Variants in RIMS1 observed in about 807,000 individuals in gnomAD.
The protein encoded by RIMS1 is regulating synaptic membrane exocytosis protein 1.
RIMS1 carries 83 observed loss-of-function variants against 214.1 expected under a neutral mutation model. The observed-to-expected ratio is 0.39, with a 90% confidence interval of 0.32 to 0.47. The LOEUF is 0.47. Among genes scored for constraint, RIMS1 ranks in the 20% least tolerant of loss-of-function variants. The pLI is 0.99. For missense variants in RIMS1, 2,050 were observed against 2,161.8 expected (o/e 0.95, Z 1.03); for synonymous variants, 793 against 786.8 (o/e 1.01, Z -0.13).
chr6:71,957,838 A>G lies in RIMS1; in HGVS notation c.165-11145A>G, dbSNP rs1038346479. Among the ~76,000 whole-genome samples the G allele has an allele frequency of 5.6e-5, 8 of 143,100 alleles. 1 individual carries two copies. Among genetic ancestry groups the G allele is most frequent in the African/African-American group, 2.4e-4 (8 of 33,104 alleles). 93.9% of individuals were successfully genotyped at this position (143,100 alleles called of 152,430 possible). A position where few individuals can be genotyped will look rare whatever the true frequency, so the allele number is the denominator to read the frequency against. ...CAGCCTTTATTATAGTATTAATTCA[A>G]GATTCCTATGCTTGATCTTGTTGTT... On this transcript the variant is annotated intron_variant, in intron 1 of 33. Coordinates refer to ENST00000521978, the MANE Select transcript of RIMS1 (RefSeq NM_014989.7).
At chr6:72,324,780 A>G (rs936880316) in intron 28 of RIMS1, among the ~76,000 whole-genome samples, 2 of 151,862 alleles carry the variant, frequency 1.3e-5, no homozygotes, top group Non-Finnish European at 2.9e-5. Flanking sequence ...ACTGGAACAC[A>G]TCTATGCCCA....
At chr6:72,271,307 ATATATATATG>A (rs1563346744) in intron 22 of RIMS1, among the ~76,000 whole-genome samples, 1 of 131,284 alleles carries the variant, frequency 7.6e-6, no homozygotes, top group Admixed American at 7.8e-5. Flanking sequence ...ATATATATAT[ATATATATATG>A]TTAATTAAAA....
At chr6:72,144,931 C>CTGGA (rs2042544562) in intron 4 of RIMS1, among the ~76,000 whole-genome samples, 1 of 150,608 alleles carries the variant, frequency 6.6e-6, no homozygotes, top group African/African-American at 2.4e-5. Flanking sequence ...GTCACACAAG[C>CTGGA]TGGAGTGCAG....
intron 29 of RIMS1, among the ~76,000 whole-genome samples, chr6:72,341,483 T>C (rs1454713936): frequency 1.3e-5 from 2 of 151,838 alleles, no homozygotes; most frequent in African/African-American, 4.8e-5. Flanking sequence ...TTTTAAATTT[T>C]ATGAAGAAGA....
chr6:72,121,698 G>A (rs1014821090), intron 4 of RIMS1, among the ~76,000 whole-genome samples: 1 of 151,884 alleles, frequency 6.6e-6, no homozygotes, highest in Non-Finnish European at 1.5e-5. Flanking sequence ...TGTTGAATAG[G>A]ATTGGTGAGA....
intron 26 of RIMS1, 144 bp downstream of exon 26, chr6:72,292,190 C>A (rs2093490388): frequency 3.4e-6 from 2 of 581,820 alleles, no homozygotes; most frequent in Non-Finnish European, 3.0e-6. Context: ...AGTTTTATCC[C>A]CAACACCTAG....
At chr6:72,037,084 C>A (rs1279170180) in intron 2 of RIMS1, among the ~76,000 whole-genome samples, 1 of 151,938 alleles carries the variant, frequency 6.6e-6, no homozygotes, top group Non-Finnish European at 1.5e-5. Context: ...ATTATAAAAT[C>A]CTTAGTGAAC....
At chr6:72,116,083 G>A (rs571799597) in intron 4 of RIMS1, among the ~76,000 whole-genome samples, 47 of 151,986 alleles carry the variant, frequency 3.1e-4, no homozygotes, top group African/African-American at 1.0e-3. Context: ...GACTACTGAG[G>A]CAGTCTGGAC....
chr6:72,030,599 C>T (rs1267390442), intron 2 of RIMS1, among the ~76,000 whole-genome samples: 4 of 152,022 alleles, frequency 2.6e-5, no homozygotes, highest in African/African-American at 9.7e-5. Flanking sequence ...AGATACACTA[C>T]ACAATTACAT....
At chr6:72,385,393 A>T (rs1484521710) in intron 29 of RIMS1, among the ~76,000 whole-genome samples, 1 of 152,238 alleles carries the variant, frequency 6.6e-6, no homozygotes, top group African/African-American at 2.4e-5. Context: ...TATAGAATAT[A>T]TGTGCTTTTT....
intron 2 of RIMS1, among the ~76,000 whole-genome samples, chr6:72,001,317 G>A (rs548498966): frequency 1.3e-5 from 2 of 151,986 alleles, no homozygotes; most frequent in Admixed American, 1.3e-4. Context: ...GTCCTGAAAC[G>A]AATTTTCCAT....
At chr6:72,040,212 G>C (rs1013216040) in intron 2 of RIMS1, among the ~76,000 whole-genome samples, 10 of 152,012 alleles carry the variant, frequency 6.6e-5, no homozygotes, top group Admixed American at 3.3e-4. Context: ...TCTATACTTT[G>C]TATTCTTATG....
At chr6:71,940,197 A>G (rs980292038) in intron 1 of RIMS1, among the ~76,000 whole-genome samples, 2 of 152,184 alleles carry the variant, frequency 1.3e-5, no homozygotes, top group South Asian at 4.1e-4. Flanking sequence ...CTTTCTTCCA[A>G]TCACATCCAT....
intron 16 of RIMS1, among the ~76,000 whole-genome samples, chr6:72,256,914 CAT>C (rs1244201671): frequency 6.6e-6 from 1 of 151,682 alleles, no homozygotes; most frequent in Non-Finnish European, 1.5e-5. Flanking sequence ...GAATATTAAA[CAT>C]GTTTTTATAG....
intron 22 of RIMS1, among the ~76,000 whole-genome samples, chr6:72,269,639 CT>C (rs1377586668): frequency 6.6e-6 from 1 of 152,140 alleles, no homozygotes; most frequent in Non-Finnish European, 1.5e-5. Context: ...TCTGCAACTA[CT>C]TCTCTTCCTG....
rs552779582 is a variant in RIMS1 at position 72,233,015 on chromosome 6, C to T, written c.1679-758C>T. Among the ~76,000 whole-genome samples the T allele has an allele frequency of 3.3e-5, 5 of 151,736 alleles. No homozygotes were observed. The East Asian group carries it at 9.7e-4, about 29-fold the overall frequency. On this transcript the variant is annotated intron_variant, in intron 6 of 33. Transcript: ENST00000521978. ...TGAAAATTTAAAAGGGAATTATTCC[C>T]CTGCTTTCCCTAATATCTCTTCTCA...
rs189434281 is a variant in RIMS1 at position 72,044,585 on chromosome 6, G to A, written c.246-52364G>A. ...GAACAAACCCTTCAAAGATGATCATGGCAAATTAGCATATGAAAAGATGTG... is the reference window on the plus strand; with the variant it reads ...GAACAAACCCTTCAAAGATGATCATAGCAAATTAGCATATGAAAAGATGTG... On this transcript the variant is annotated intron_variant, in intron 2 of 33. Transcript: ENST00000521978. Among the ~76,000 whole-genome samples the A allele has an allele frequency of 1.9e-3, 293 of 151,920 alleles. 1 individual carries two copies. The highest frequency in any genetic ancestry group is 6.7e-3 in the African/African-American group (277 of 41,512).
intron 2 of RIMS1, among the ~76,000 whole-genome samples, chr6:72,031,985 A>G (rs1205808266): frequency 1.3e-5 from 2 of 152,198 alleles, no homozygotes; most frequent in Admixed American, 1.3e-4. Flanking sequence ...TATTGGCTTT[A>G]AGAGAAAACA....
Position 72,182,328 on chromosome 6 carries a change from T to C in RIMS1, c.857T>C (p.Leu286Pro), listed in dbSNP as rs933622337. Residue 286 changes from leucine to proline, a missense_variant, in exon 6 of 34, where the codon CTG becomes CCG. Physicochemically the swap from Leu to Pro is moderately conservative, Grantham distance 98. Coordinates refer to ENST00000521978, the MANE Select transcript of RIMS1 (RefSeq NM_014989.7). ...TCCGAGCAGAATGGCAAAGGAGCCCTGAAGAGCGAGCGGAAACGCGTGCCA... is the reference window on the plus strand; with the variant it reads ...TCCGAGCAGAATGGCAAAGGAGCCCCGAAGAGCGAGCGGAAACGCGTGCCA... ...GLSEQNGKGA[L>P]KSERKRVPKT... is the part of the protein sequence containing the mutation. 6.2e-7 allele frequency: 1 copy of C among 1,611,860 alleles called. No homozygotes were observed. The highest frequency in any genetic ancestry group is 1.7e-4 in the Middle Eastern group (1 of 6,016).
Sources: allele counts gnomAD v4.1 joint callset (sites outside exome capture counted in the v4.1 genomes callset), GRCh38; gene constraint gnomAD v4.1.1; transcripts MANE v1.5; gene names NCBI Gene and HGNC (gene_info 2026-07-23, HGNC 2026-07-21).